Variants in UIMC1 observed in about 807,000 individuals in gnomAD.
UIMC1 encodes the protein ubiquitin interaction motif containing 1.
A neutral mutation model predicts 84.9 loss-of-function variants in UIMC1; 42 were observed. The observed-to-expected ratio is 0.49, with a 90% CI of 0.39 to 0.64. The LOEUF is 0.64. Ranked by LOEUF, UIMC1 falls within the 30% of genes least tolerant of loss-of-function variation. The pLI is 0.00. For missense variants in UIMC1, 825 were observed against 847.6 expected, an observed-to-expected ratio of 0.97 and a Z score of 0.33; for synonymous variants, 281 against 293.0, an observed-to-expected ratio of 0.96 and a Z score of 0.42.
intron 10 of UIMC1, among the ~76,000 whole-genome samples, chr5:176,925,663 A>G (rs1048885178): frequency 6.6e-6 from 1 of 152,212 alleles, no homozygotes; most frequent in African/African-American, 2.4e-5. Context: ...GCTGAGTGAA[A>G]GATTACATAA....
exon 1 of UIMC1, chr5:177,022,523 C>T: frequency 1.9e-6 from 1 of 517,062 alleles, no homozygotes; most frequent in Non-Finnish European, 3.3e-6. Context: ...AGGGGGGGGT[C>T]ACTGCTGCGG....
Position 176,969,251 on chromosome 5 carries a change from T to C in UIMC1, c.504A>G (p.Ser168=), listed in dbSNP as rs759252240. 3 of 1,614,026 alleles carry C rather than the reference T, an allele frequency of 1.9e-6. No individual in the cohort carries two copies. The highest frequency in any genetic ancestry group is 2.5e-6 in the Non-Finnish European group (3 of 1,180,010). ...CAGCCTCGTTTCCCTGACTGATATG[T>C]GAGCCTTTAAACAGTGATGGAGGTA... ...QLVPPSLFKG[S]HISQGNEAEE... The change falls in exon 6 of 15, where the codon TCA becomes TCG. Residue 168 remains serine (S), a synonymous_variant. Transcript: ENST00000511320.
chr5:177,021,656 G>T (rs1317229349), intron 1 of UIMC1, among the ~76,000 whole-genome samples: 2 of 151,714 alleles, frequency 1.3e-5, no homozygotes, highest in Admixed American at 1.3e-4. Flanking sequence ...AAGGACTTTG[G>T]CTTTTTTTTT....
At chr5:176,926,352 T>C (rs971811888) in intron 10 of UIMC1, among the ~76,000 whole-genome samples, 7 of 152,036 alleles carry the variant, frequency 4.6e-5, no homozygotes, top group African/African-American at 1.4e-4. Flanking sequence ...TCTTAAGAGA[T>C]ACACACTGAT....
At position 176,982,766 on chromosome 5, in the gene UIMC1, C is replaced by T. The variant is rs1374999224; in HGVS notation, c.-8-143G>A. Reference sequence around the variant, plus strand: ...CCAGGCTGGAGTGCAATGGCACGATCTTGGCTCACTGCAACCGCTGCCTCC... The same window carrying T: ...CCAGGCTGGAGTGCAATGGCACGATTTTGGCTCACTGCAACCGCTGCCTCC... On this transcript the variant is annotated intron_variant, in intron 1 of 14. Coordinates refer to ENST00000511320, the MANE Select transcript of UIMC1 (RefSeq NM_001199298.2). The T allele has an allele frequency of 6.3e-6, 6 of 950,276 alleles. No individual in the cohort carries two copies. In the African/African-American group the frequency reaches 8.4e-5, roughly 13 times the overall value. The allele number at this position is 950,276 out of a possible 1,614,324, so 58.9% of individuals were successfully genotyped here. A position where few individuals can be genotyped will look rare whatever the true frequency, so the allele number is the denominator to read the frequency against.
chr5:176,918,132 T>C (rs772454103), intron 10 of UIMC1, among the ~76,000 whole-genome samples: 3 of 152,226 alleles, frequency 2.0e-5, no homozygotes, highest in Non-Finnish European at 2.9e-5. Flanking sequence ...ACCAATCCTA[T>C]TATGCCTCAA....
At chr5:176,919,893 G>T (rs1356414659) in intron 10 of UIMC1, among the ~76,000 whole-genome samples, 3 of 152,168 alleles carry the variant, frequency 2.0e-5, no homozygotes, top group African/African-American at 7.2e-5. Flanking sequence ...TGTAAAATTG[G>T]AAAGTATGAA....
At chr5:177,001,298 T>C (rs931754819) in intron 1 of UIMC1, 1 of 152,224 alleles carries the variant, frequency 6.6e-6, no homozygotes, top group Non-Finnish European at 1.5e-5. Flanking sequence ...TTGGCAACTT[T>C]GTCGAAAATG....
At chr5:176,965,943 A>G (rs1250710253) in intron 6 of UIMC1, among the ~76,000 whole-genome samples, 1 of 152,230 alleles carries the variant, frequency 6.6e-6, no homozygotes, top group African/African-American at 2.4e-5. Flanking sequence ...AAGAAGCAGC[A>G]TCTCCGAATT....
chr5:177,003,836 T>C (rs1021430833), intron 1 of UIMC1, among the ~76,000 whole-genome samples: 1 of 152,144 alleles, frequency 6.6e-6, no homozygotes, highest in African/African-American at 2.4e-5. Context: ...GTACCGTGTG[T>C]GCACGTGTAT....
chr5:176,906,111 T>C, intron 13 of UIMC1, 64 bp from the exon 14 acceptor site: 2 of 1,531,462 alleles, frequency 1.3e-6, no homozygotes. Flanking sequence ...CACTTCTCAC[T>C]GATCTTTTGC....
At position 176,959,715 on chromosome 5, in the gene UIMC1, CAAAAAAA is replaced by C. The variant is rs1169116401; in HGVS notation, c.1201-1568_1201-1562del. 2.8e-3 allele frequency among the ~76,000 whole-genome samples: 153 copies of C among 53,926 alleles called. 3 individuals are homozygous for C. In the South Asian group the frequency reaches 0.073, roughly 26 times the overall value. The allele number at this position is 53,926 out of a possible 152,430, so 35.4% of individuals were successfully genotyped here. ...TGGGCGACAGAGCGAGACTCCGTCT[CAAAAAAA>C]AAAAAAAAAAAAAAATTATTGTGCT... On this transcript the variant is annotated intron_variant, in intron 6 of 14. Coordinates refer to ENST00000511320, the MANE Select transcript of UIMC1 (RefSeq NM_001199298.2).
chr5:176,949,643 T>C (rs909579793), intron 9 of UIMC1, among the ~76,000 whole-genome samples: 2 of 152,204 alleles, frequency 1.3e-5, no homozygotes, highest in Non-Finnish European at 2.9e-5. Context: ...TCTTGGTCAA[T>C]TGTGACAGAT....
chr5:176,968,332 CA>C (rs1270390788), intron 6 of UIMC1, among the ~76,000 whole-genome samples: 2 of 151,232 alleles, frequency 1.3e-5, no homozygotes, highest in Non-Finnish European at 2.9e-5. Context: ...AAGATTGCGC[CA>C]TTGCACTCCA....
chr5:177,021,710 T>C (rs1775838425), intron 1 of UIMC1, among the ~76,000 whole-genome samples: 1 of 151,840 alleles, frequency 6.6e-6, no homozygotes, highest in Non-Finnish European at 1.5e-5. Context: ...TGGGGTGCAA[T>C]GGCGCCAGCT....
upstream of UIMC1, among the ~76,000 whole-genome samples, chr5:177,008,575 G>A (rs955675696): frequency 1.1e-4 from 17 of 151,964 alleles, no homozygotes; most frequent in Non-Finnish European, 2.4e-4. Context: ...GATCCTTTTA[G>A]GGCATCTTAC....
Position 176,907,237 on chromosome 5 carries a change from C to T in UIMC1, c.1849-60G>A, listed in dbSNP as rs773863642. 6.7e-6 allele frequency: 10 copies of T among 1,488,042 alleles called. No homozygotes were observed. The African/African-American group carries it at 1.1e-4, about 17-fold the overall frequency. The allele number at this position is 1,488,042 out of a possible 1,614,324, so 92.2% of individuals were successfully genotyped here. On this transcript the variant is annotated intron_variant, in intron 12 of 14. Transcript: ENST00000511320. ...CATGTCAGAGTCTAAAATACAACTTCCACAGCCCAGATCACACGTGTTCAT... is the reference window on the plus strand; with the variant it reads ...CATGTCAGAGTCTAAAATACAACTTTCACAGCCCAGATCACACGTGTTCAT...
At chr5:176,911,110 GAGAAGAAAAGAAAAGAA>G (rs1244349761) in intron 11 of UIMC1, among the ~76,000 whole-genome samples, 184 bp downstream of exon 11, 1 of 112,978 alleles carries the variant, frequency 8.9e-6, no homozygotes, top group African/African-American at 3.6e-5. Context: ...AAGAGAGAGA[GAGAAGAAAAGAAAAGAA>G]AAGAAAAGAA....
At chr5:176,946,536 G>C (rs1032841300) in intron 9 of UIMC1, among the ~76,000 whole-genome samples, 1 of 151,670 alleles carries the variant, frequency 6.6e-6, no homozygotes, top group Admixed American at 6.6e-5. Flanking sequence ...AGAAAGAAAA[G>C]AAAACAAAAG....
Sources: gnomAD v4.1 joint callset for allele counts (sites outside exome capture counted in the v4.1 genomes callset) on GRCh38, gnomAD v4.1.1 for gene constraint, MANE v1.5 for transcripts, NCBI Gene and HGNC (gene_info 2026-07-23, HGNC 2026-07-21) for gene names.